PRELID2: variants seen among roughly 807,000 people sequenced by gnomAD.
The protein encoded by PRELID2 is PRELI domain-containing protein 2.
A neutral mutation model predicts 28.4 loss-of-function variants in PRELID2; 25 were observed. The observed-to-expected ratio is 0.88, with a 90% CI of 0.64 to 1.23. The LOEUF (loss-of-function observed/expected upper bound fraction) is 1.23. Among genes scored for constraint, PRELID2 ranks in the 50% most tolerant of loss-of-function variants. PRELID2 has a pLI of 0.00. For missense variants in PRELID2, 201 were observed against 214.4 expected (o/e 0.94, Z 0.39); for synonymous variants, 76 against 71.6 (o/e 1.06, Z -0.31).
At chr5:145,776,197 G>T (rs1461095344) in intron 5 of PRELID2, among the ~76,000 whole-genome samples, 2 of 152,164 alleles carry the variant, frequency 1.3e-5, no homozygotes, top group African/African-American at 4.8e-5. Context: ...TCTGAGACGT[G>T]TGATGAAATC....
At chr5:145,780,371 T>C (rs897195985) in intron 5 of PRELID2, among the ~76,000 whole-genome samples, 3 of 152,220 alleles carry the variant, frequency 2.0e-5, no homozygotes, top group African/African-American at 7.2e-5. Flanking sequence ...ACATAGCTCA[T>C]TTACTCCTCA....
At chr5:145,294,234 T>C in the PRELID2 span, among the ~76,000 whole-genome samples, 1 of 152,152 alleles carries the variant, frequency 6.6e-6, no homozygotes, top group African/African-American at 2.4e-5. Flanking sequence ...TACATTTCAT[T>C]ATTATTATTA....
intron 1 of PRELID2, among the ~76,000 whole-genome samples, chr5:145,623,878 T>C (rs1019265038): frequency 9.2e-5 from 14 of 152,070 alleles, no homozygotes; most frequent in African/African-American, 3.4e-4. Context: ...CTGCCAGGAG[T>C]TAGCATCAGA....
chr5:145,653,684 A>T (rs1754340181), intron 1 of PRELID2, among the ~76,000 whole-genome samples: 1 of 152,232 alleles, frequency 6.6e-6, no homozygotes, highest in South Asian at 2.1e-4. Context: ...AGAAATAAAG[A>T]TGTTCTTTGA....
chr5:145,588,852 T>C (rs188365071), intron 1 of PRELID2, among the ~76,000 whole-genome samples: 7 of 151,082 alleles, frequency 4.6e-5, no homozygotes, highest in Admixed American at 2.0e-4. Context: ...ATCCACACAC[T>C]GTGTTTTAGG....
chr5:145,601,134 T>A (rs1753390374), intron 1 of PRELID2, among the ~76,000 whole-genome samples: 1 of 152,152 alleles, frequency 6.6e-6, no homozygotes. Context: ...CCGGCTGTGA[T>A]GACAGAGGAA....
intron 5 of PRELID2, among the ~76,000 whole-genome samples, chr5:145,788,474 A>G (rs6892276): frequency 0.94 from 143,407 of 152,204 alleles, 67,649 homozygotes; most frequent in East Asian, 1. Context: ...GTTGAGGAAC[A>G]CACTGTATGG....
the PRELID2 span, among the ~76,000 whole-genome samples, chr5:145,400,841 T>G: frequency 1.3e-5 from 2 of 152,106 alleles, no homozygotes; most frequent in Non-Finnish European, 2.9e-5. Context: ...TTCAAAGCAT[T>G]CCTTCCTGGG....
chr5:145,455,210 A>G, the PRELID2 span, among the ~76,000 whole-genome samples: 3 of 152,092 alleles, frequency 2.0e-5, no homozygotes, highest in Non-Finnish European at 4.4e-5. Flanking sequence ...TTAAATAGGG[A>G]ATCCTTTCCC....
chr5:145,493,015 T>A (rs888232250), intron 1 of PRELID2, among the ~76,000 whole-genome samples: 2 of 141,028 alleles, frequency 1.4e-5, no homozygotes, highest in African/African-American at 5.0e-5. Flanking sequence ...GGTATCTCTC[T>A]CAGCCACTAT....
intron 1 of PRELID2, among the ~76,000 whole-genome samples, chr5:145,723,113 C>T (rs1756037467): frequency 6.6e-6 from 1 of 151,992 alleles, no homozygotes. Flanking sequence ...ACCAATATAG[C>T]TTATAAATAC....
the PRELID2 span, among the ~76,000 whole-genome samples, chr5:145,418,936 A>G: frequency 0.02 from 2,948 of 144,714 alleles, 86 homozygotes; most frequent in African/African-American, 0.068. Flanking sequence ...GTGTCCATGT[A>G]ATCTCATTGT....
intron 1 of PRELID2, among the ~76,000 whole-genome samples, chr5:145,701,842 A>G (rs1755413432): frequency 6.6e-6 from 1 of 152,148 alleles, no homozygotes; most frequent in Non-Finnish European, 1.5e-5. Flanking sequence ...ACCTGAGGTC[A>G]GGAGTTCAAG....
At chr5:145,236,467 A>T in the PRELID2 span, among the ~76,000 whole-genome samples, 2 of 152,144 alleles carry the variant, frequency 1.3e-5, no homozygotes, top group Non-Finnish European at 2.9e-5. Context: ...GCCCCCACAG[A>T]TCATTCACAA....
chr5:145,399,512 CA>C, the PRELID2 span, among the ~76,000 whole-genome samples: 1 of 151,992 alleles, frequency 6.6e-6, no homozygotes, highest in Non-Finnish European at 1.5e-5. Flanking sequence ...TCAAAAATTC[CA>C]ACTGAATCTA....
chr5:145,403,018 G>A, the PRELID2 span, among the ~76,000 whole-genome samples: 1 of 152,024 alleles, frequency 6.6e-6, no homozygotes, highest in Non-Finnish European at 1.5e-5. Context: ...ACTAGGATTT[G>A]GACCCACTTC....
At position 145,595,165 on chromosome 5, in the gene PRELID2, C is replaced by CACACACACACAT. The variant is rs1475227978; in HGVS notation, n.71-121851_71-121850insATGTGTGTGTGT. 1.1e-3 allele frequency among the ~76,000 whole-genome samples: 156 copies of CACACACACACAT among 143,146 alleles called. 1 individual carries two copies. Among genetic ancestry groups the CACACACACACAT allele is most frequent in the African/African-American group, 3.8e-3 (134 of 35,394 alleles). The allele number at this position is 143,146 out of a possible 152,430, so 93.9% of individuals were successfully genotyped here. ...AGAAGAAGAAGAGTCATAATAGACA[C>CACACACACACAT]ACACACACACACACACACACACACA... is the stretch of plus-strand genomic sequence containing the variant. On this transcript the variant is annotated intron_variant and non_coding_transcript_variant, in intron 1 of 2. Coordinates refer to the PRELID2 transcript ENST00000510259.
intron 1 of PRELID2, among the ~76,000 whole-genome samples, chr5:145,497,338 A>G (rs1340711471): frequency 6.6e-6 from 1 of 152,184 alleles, no homozygotes; most frequent in Non-Finnish European, 1.5e-5. Flanking sequence ...TAGGAAAAAA[A>G]TGCAAGAACT....
At chr5:145,820,384 C>T (rs1035165651) in intron 2 of PRELID2, among the ~76,000 whole-genome samples, 6 of 152,080 alleles carry the variant, frequency 3.9e-5, no homozygotes, top group African/African-American at 1.4e-4. Context: ...ACTCAGAATG[C>T]ACACTCCAAT....
Sources: allele counts gnomAD v4.1 joint callset (sites outside exome capture counted in the v4.1 genomes callset), GRCh38; gene constraint gnomAD v4.1.1; transcripts MANE v1.5; gene names NCBI Gene and HGNC (gene_info 2026-07-23, HGNC 2026-07-21).